IMMP1L: variants seen among roughly 807,000 people sequenced by gnomAD.
IMMP1L encodes the protein mitochondrial inner membrane protease subunit 1.
Under a neutral mutation model 21.8 loss-of-function variants are expected in IMMP1L, and 24 were observed. That is an observed-to-expected ratio of 1.10 (90% CI 0.80 to 1.55). The LOEUF is 1.55. Ranked by LOEUF, IMMP1L falls within the 40% of genes most tolerant of loss-of-function variation. IMMP1L has a pLI of 0.00. For synonymous variants in IMMP1L, 46 were observed against 62.8 expected, an observed-to-expected ratio of 0.73 and a Z score of 1.26; for missense variants, 195 against 200.7, an observed-to-expected ratio of 0.97 and a Z score of 0.17.
At chr11:31,507,680 G>A (rs895907569) in intron 1 of IMMP1L, among the ~76,000 whole-genome samples, 5 of 152,112 alleles carry the variant, frequency 3.3e-5, no homozygotes, top group African/African-American at 1.2e-4. Flanking sequence ...GGGGGATGGG[G>A]AGAATTTGGT....
intron 4 of IMMP1L, among the ~76,000 whole-genome samples, chr11:31,439,827 C>G (rs1953259206): frequency 6.6e-6 from 1 of 152,158 alleles, no homozygotes; most frequent in African/African-American, 2.4e-5. Flanking sequence ...TCCAGAGTCT[C>G]TACTGAAAGT....
At chr11:31,496,924 T>G (rs1339948101) in intron 1 of IMMP1L, among the ~76,000 whole-genome samples, 2 of 148,184 alleles carry the variant, frequency 1.3e-5, no homozygotes, top group Non-Finnish European at 3.0e-5. Flanking sequence ...TCTTATATAT[T>G]ATATACAATG....
intron 1 of IMMP1L, among the ~76,000 whole-genome samples, chr11:31,507,045 C>T (rs1344625973): frequency 1.3e-5 from 2 of 151,952 alleles, no homozygotes; most frequent in Admixed American, 6.6e-5. Flanking sequence ...TTTGGGAGGC[C>T]GAGGTGGGCG....
At chr11:31,476,529 A>T (rs572079436) in intron 1 of IMMP1L, among the ~76,000 whole-genome samples, 1 of 152,062 alleles carries the variant, frequency 6.6e-6, no homozygotes, top group Non-Finnish European at 1.5e-5. Flanking sequence ...TTATTTTTAT[A>T]ATTTCAAGAA....
chr11:31,480,207 C>T (rs1342485710), intron 1 of IMMP1L, among the ~76,000 whole-genome samples: 1 of 151,898 alleles, frequency 6.6e-6, no homozygotes, highest in Non-Finnish European at 1.5e-5. Flanking sequence ...TGGTTACATT[C>T]AAATTTTTAA....
chr11:31,470,250 C>T (rs1249475614), intron 1 of IMMP1L, among the ~76,000 whole-genome samples: 1 of 152,018 alleles, frequency 6.6e-6, no homozygotes, highest in Non-Finnish European at 1.5e-5. Context: ...CCCGTCTCTA[C>T]TAAAAATACA....
intron 4 of IMMP1L, among the ~76,000 whole-genome samples, chr11:31,435,116 T>C (rs1338797335): frequency 1.3e-5 from 2 of 152,152 alleles, no homozygotes; most frequent in Admixed American, 6.6e-5. Context: ...ACAGGTAATA[T>C]ATATGAATAA....
chr11:31,454,058 ATAAT>A (rs1347929490), intron 4 of IMMP1L, among the ~76,000 whole-genome samples: 1 of 152,164 alleles, frequency 6.6e-6, no homozygotes, highest in Non-Finnish European at 1.5e-5. Context: ...TGCTGTTGTG[ATAAT>A]TAAATAAGTT....
chr11:31,434,337 TA>T (rs1953040086), intron 4 of IMMP1L, among the ~76,000 whole-genome samples: 1 of 152,168 alleles, frequency 6.6e-6, no homozygotes, highest in Admixed American at 6.5e-5. Context: ...TTGTTTTTTT[TA>T]AGCCACCTGC....
intron 1 of IMMP1L, among the ~76,000 whole-genome samples, chr11:31,491,599 G>A (rs1955259290): frequency 6.6e-6 from 1 of 152,174 alleles, no homozygotes; most frequent in African/African-American, 2.4e-5. Flanking sequence ...TGTGAGAGAA[G>A]AGATAAATTG....
chr11:31,462,331 A>AAAAAAAAAAAG (rs34918026), intron 2 of IMMP1L, among the ~76,000 whole-genome samples: 1 of 147,182 alleles, frequency 6.8e-6, no homozygotes, highest in Non-Finnish European at 1.5e-5. Context: ...AAAAAAAAAA[A>AAAAAAAAAAAG]GAAGGGAAAT....
At chr11:31,491,031 T>C (rs1008586382) in intron 1 of IMMP1L, among the ~76,000 whole-genome samples, 1 of 152,182 alleles carries the variant, frequency 6.6e-6, no homozygotes, top group Non-Finnish European at 1.5e-5. Context: ...ATAATAAACA[T>C]AGCTGACAAC....
chr11:31,473,328 C>CTCCCAA (rs1240512554), intron 1 of IMMP1L, among the ~76,000 whole-genome samples: 1 of 152,188 alleles, frequency 6.6e-6, no homozygotes, highest in East Asian at 1.9e-4. Flanking sequence ...GGATTACAGG[C>CTCCCAA]ATGAGCCACT....
chr11:31,437,513 T>C (rs909319271), intron 4 of IMMP1L, among the ~76,000 whole-genome samples: 3 of 152,298 alleles, frequency 2.0e-5, no homozygotes, highest in African/African-American at 7.2e-5. Flanking sequence ...AACATAATGT[T>C]TGCAATTACT....
intron 4 of IMMP1L, 64 bp downstream of exon 4, chr11:31,456,196 T>C: frequency 8.6e-7 from 1 of 1,156,340 alleles, no homozygotes; most frequent in Non-Finnish European, 1.2e-6. Context: ...TTTTCTTTTG[T>C]CAGCACTCAG....
intron 1 of IMMP1L, among the ~76,000 whole-genome samples, chr11:31,470,205 GGA>G (rs1373327664): frequency 6.6e-6 from 1 of 152,120 alleles, no homozygotes; most frequent in Non-Finnish European, 1.5e-5. Context: ...CCTGATGTCG[GGA>G]GTTCGAGAGC....
chr11:31,471,856 A>T (rs1954563245), intron 1 of IMMP1L, among the ~76,000 whole-genome samples: 1 of 152,240 alleles, frequency 6.6e-6, no homozygotes, highest in South Asian at 2.1e-4. Context: ...TACAGTTGAT[A>T]GGTCAGAAGT....
At chr11:31,487,114 A>G (rs1955105533) in intron 1 of IMMP1L, among the ~76,000 whole-genome samples, 1 of 151,760 alleles carries the variant, frequency 6.6e-6, no homozygotes, top group South Asian at 2.1e-4. Flanking sequence ...ACTTTCTAAA[A>G]TAATACTAAT....
chr11:31,457,154 G>A (rs1382281942), intron 3 of IMMP1L, among the ~76,000 whole-genome samples: 1 of 151,658 alleles, frequency 6.6e-6, no homozygotes, highest in African/African-American at 2.4e-5. Flanking sequence ...ACTTATATTT[G>A]AGAAAAAAAA....
Sources: gnomAD v4.1 joint callset for allele counts (sites outside exome capture counted in the v4.1 genomes callset) on GRCh38, gnomAD v4.1.1 for gene constraint, MANE v1.5 for transcripts, NCBI Gene and HGNC (gene_info 2026-07-23, HGNC 2026-07-21) for gene names.